The following CSMD3 variants were observed in gnomAD, a reference collection of about 807,000 sequenced individuals.
CSMD3 encodes the protein CUB and sushi domain-containing protein 3.
A neutral mutation model predicts 435.2 loss-of-function variants in CSMD3; 177 were observed. The ratio of observed to expected loss-of-function variants is 0.41; its 90% confidence interval spans 0.36 to 0.46. The LOEUF is 0.46. Among genes scored for constraint, CSMD3 ranks in the 20% least tolerant of loss-of-function variants. The pLI is 0.34. For synonymous variants in CSMD3, 1,656 were observed against 1,520.5 expected, an observed-to-expected ratio of 1.09 and a Z score of -2.07; for missense variants, 4,265 against 4,504.6, an observed-to-expected ratio of 0.95 and a Z score of 1.52.
intron 48 of CSMD3, 110 bp from the exon 49 acceptor site, chr8:112,314,162 C>T: frequency 1.2e-6 from 1 of 812,420 alleles, no homozygotes; most frequent in South Asian, 1.5e-5. Context: ...GCTTCACCAC[C>T]AATCTACCTC....
At chr8:113,429,208 T>A (rs1481083130) in intron 1 of CSMD3, among the ~76,000 whole-genome samples, 1 of 150,910 alleles carries the variant, frequency 6.6e-6, no homozygotes, top group Admixed American at 6.7e-5. Flanking sequence ...AAATGTATTA[T>A]TGTTTCTTAT....
At chr8:112,837,647 A>C (rs2080066146) in intron 11 of CSMD3, among the ~76,000 whole-genome samples, 1 of 151,748 alleles carries the variant, frequency 6.6e-6, no homozygotes, top group South Asian at 2.1e-4. Context: ...TAAAATAGGT[A>C]TTCGTATCTG....
chr8:113,090,552 AATAAAATTTATGG>A (rs2089968676), intron 5 of CSMD3, among the ~76,000 whole-genome samples: 2 of 152,120 alleles, frequency 1.3e-5, no homozygotes, highest in South Asian at 4.1e-4. Context: ...CAGACTTATG[AATAAAATTTATGG>A]ATAAAATTAA....
intron 4 of CSMD3, among the ~76,000 whole-genome samples, chr8:113,134,921 C>A (rs1040809218): frequency 6.6e-6 from 1 of 151,914 alleles, no homozygotes; most frequent in Non-Finnish European, 1.5e-5. Flanking sequence ...CAAATGTGAG[C>A]AAATGAGGAT....
At chr8:113,270,187 T>C (rs953572952) in intron 3 of CSMD3, among the ~76,000 whole-genome samples, 15 of 152,232 alleles carry the variant, frequency 9.9e-5, no homozygotes, top group African/African-American at 3.1e-4. Flanking sequence ...GATATTTATG[T>C]AGCCAACAGA....
intron 6 of CSMD3, among the ~76,000 whole-genome samples, chr8:113,006,556 C>A (rs2086064898): frequency 6.6e-6 from 1 of 151,826 alleles, no homozygotes; most frequent in South Asian, 2.1e-4. Context: ...TGAAAAAATT[C>A]TAAGCAAACT....
intron 35 of CSMD3, among the ~76,000 whole-genome samples, chr8:112,399,477 G>A (rs1290257800): frequency 9.9e-5 from 15 of 151,966 alleles, no homozygotes; most frequent in East Asian, 3.9e-4. Flanking sequence ...GACTGGCTTC[G>A]AACTCCTGAC....
At chr8:112,388,190 T>C (rs1007039972) in intron 36 of CSMD3, among the ~76,000 whole-genome samples, 1 of 152,136 alleles carries the variant, frequency 6.6e-6, no homozygotes, top group African/African-American at 2.4e-5. Flanking sequence ...GCTGAAATAG[T>C]GCAGATAGAA....
intron 6 of CSMD3, among the ~76,000 whole-genome samples, chr8:113,005,133 G>A (rs965906523): frequency 1.6e-4 from 25 of 151,704 alleles, no homozygotes; most frequent in African/African-American, 6.0e-4. Flanking sequence ...GAGAGAGGAT[G>A]ACTAAAATAA....
rs2130384168 is a variant in CSMD3, at chr8:112,263,746, C to T, written c.9755G>A (p.Gly3252Asp). ...GRLEGTNFDW[G>D]FSISYICSPG... ...AGAACAGATGTAGCTAATACTAAAG[C>T]CCCAGTCGAAATTTGTTCCTTCCAG... is the stretch of plus-strand genomic sequence containing the variant. Residue 3252 changes from glycine (G) to aspartate (D), a missense_variant, in exon 61 of 71, where the codon GGC (glycine) becomes GAC (aspartate). Around this residue, in one of 3 missense-constraint regions of CSMD3, gnomAD observed 3,255 missense variants for 3,380.2 expected, o/e 0.96. Transcript: ENST00000297405. 1 of 1,613,796 alleles carries T rather than the reference C, an allele frequency of 6.2e-7. No homozygotes were observed. Among genetic ancestry groups the T allele is most frequent in the Non-Finnish European group, 8.5e-7 (1 of 1,179,780 alleles).
At chr8:113,292,857 T>G (rs979272567) in intron 2 of CSMD3, among the ~76,000 whole-genome samples, 1 of 151,508 alleles carries the variant, frequency 6.6e-6, no homozygotes, top group Non-Finnish European at 1.5e-5. Flanking sequence ...ATGTTAAAAA[T>G]ATGAAAACAG....
chr8:113,093,417 A>C (rs560282494), intron 5 of CSMD3, among the ~76,000 whole-genome samples: 5 of 152,276 alleles, frequency 3.3e-5, no homozygotes, highest in African/African-American at 1.2e-4. Flanking sequence ...CCCAGTGAAT[A>C]AGAATGAAGG....
intron 11 of CSMD3, among the ~76,000 whole-genome samples, chr8:112,836,108 A>T (rs753961540): frequency 4.1e-4 from 62 of 151,990 alleles, no homozygotes; most frequent in Non-Finnish European, 3.4e-4. Flanking sequence ...ATAATGGAGA[A>T]GCCAGTGTAT....
At chr8:112,925,454 T>C (rs566193529) in intron 9 of CSMD3, among the ~76,000 whole-genome samples, 20 of 151,510 alleles carry the variant, frequency 1.3e-4, no homozygotes, top group Non-Finnish European at 2.2e-4. Context: ...TCCCAGCTAC[T>C]GGGGAGGCTG....
chr8:113,149,906 C>T (rs1243846146), intron 4 of CSMD3, among the ~76,000 whole-genome samples: 1 of 151,848 alleles, frequency 6.6e-6, no homozygotes, highest in Non-Finnish European at 1.5e-5. Flanking sequence ...ATTAGTAAAA[C>T]ACTGCTACTT....
chr8:112,954,359 G>GA (rs2083933840), intron 8 of CSMD3, among the ~76,000 whole-genome samples: 1 of 151,394 alleles, frequency 6.6e-6, no homozygotes, highest in Non-Finnish European at 1.5e-5. Flanking sequence ...ACCAATTTTA[G>GA]AAATGTTACT....
intron 4 of CSMD3, among the ~76,000 whole-genome samples, chr8:113,158,372 T>A (rs2091973872): frequency 6.6e-6 from 1 of 152,168 alleles, no homozygotes; most frequent in African/African-American, 2.4e-5. Flanking sequence ...GTTCATGAAG[T>A]ACATGTATCA....
At chr8:113,325,842 A>T (rs2093980231) in intron 1 of CSMD3, among the ~76,000 whole-genome samples, 1 of 152,152 alleles carries the variant, frequency 6.6e-6, no homozygotes, top group African/African-American at 2.4e-5. Flanking sequence ...ATTATGAGAA[A>T]ATGGAATAAG....
At chr8:113,162,815 G>T (rs576725470) in intron 4 of CSMD3, among the ~76,000 whole-genome samples, 3 of 151,974 alleles carry the variant, frequency 2.0e-5, no homozygotes, top group Non-Finnish European at 4.4e-5. Context: ...CTTATTAAAT[G>T]CTAGAGATAA....
Sources: gnomAD v4.1 joint callset for allele counts (sites outside exome capture counted in the v4.1 genomes callset) on GRCh38, gnomAD v4.1.1 for gene constraint, gnomAD v4.1.1 regional missense constraint, MANE v1.5 for transcripts, NCBI Gene and HGNC (gene_info 2026-07-23, HGNC 2026-07-21) for gene names.